The following LRBA variants were observed in gnomAD, a reference collection of about 807,000 sequenced individuals.
LRBA encodes the protein LPS responsive beige-like anchor protein.
Under a neutral mutation model 330.0 loss-of-function variants are expected in LRBA, and 176 were observed. That is an observed-to-expected ratio of 0.53 (90% CI 0.47 to 0.60). The LOEUF (loss-of-function observed/expected upper bound fraction) is 0.60, where lower values mean the gene tolerates loss of function less well. Ranked by LOEUF, LRBA falls within the 20% of genes least tolerant of loss-of-function variation. The probability of loss-of-function intolerance (pLI) is 0.00; values close to 1 mark genes in which losing one functional copy is unlikely to be tolerated. For synonymous variants in LRBA, 1,230 were observed against 1,193.0 expected, an observed-to-expected ratio of 1.03 and a Z score of -0.64; for missense variants, 3,259 against 3,444.8, an observed-to-expected ratio of 0.95 and a Z score of 1.35.
chr4:150,410,103 T>G (rs1388451151), intron 47 of LRBA, among the ~76,000 whole-genome samples: 1 of 152,166 alleles, frequency 6.6e-6, no homozygotes, highest in Non-Finnish European at 1.5e-5. Context: ...AATTTTTTTT[T>G]TTAAATGTTG....
chr4:150,501,439 C>T lies in LRBA; in HGVS notation c.6331-10404G>A, dbSNP rs888046360. Among the ~76,000 whole-genome samples, 17 of 152,130 alleles carry T rather than the reference C, an allele frequency of 1.1e-4. No individual in the cohort carries two copies. The Middle Eastern group carries it at 0.01, about 91-fold the overall frequency. ...TCAGCTGGGCAACACAGCAAAACCCCGTCTCTGCTAAAAAATGCAAAAATT... is the reference window on the plus strand; with the variant it reads ...TCAGCTGGGCAACACAGCAAAACCCTGTCTCTGCTAAAAAATGCAAAAATT... On this transcript the variant is annotated intron_variant, in intron 40 of 56. Transcript: ENST00000651943.
At chr4:150,435,308 G>T (rs993355145) in intron 46 of LRBA, among the ~76,000 whole-genome samples, 7 of 152,054 alleles carry the variant, frequency 4.6e-5, no homozygotes, top group Non-Finnish European at 8.8e-5. Context: ...CCAAGATCAC[G>T]CCATTGCACT....
chr4:150,398,131 T>C (rs971280520), intron 47 of LRBA, among the ~76,000 whole-genome samples: 7 of 152,142 alleles, frequency 4.6e-5, no homozygotes, highest in Admixed American at 1.3e-4. Flanking sequence ...ACAGACATTC[T>C]GTTGGTGGAA....
chr4:150,511,138 G>C (rs919713152), intron 40 of LRBA, among the ~76,000 whole-genome samples: 1 of 152,094 alleles, frequency 6.6e-6, no homozygotes, highest in Non-Finnish European at 1.5e-5. Flanking sequence ...GATTACAGGC[G>C]TGAGCCTCCA....
intron 2 of LRBA, among the ~76,000 whole-genome samples, chr4:150,981,777 G>A (rs1740866863): frequency 2.0e-5 from 3 of 151,862 alleles, no homozygotes; most frequent in South Asian, 2.1e-4. Context: ...TGGCTAACAC[G>A]GCGAAACCCT....
At chr4:150,383,623 G>A (rs1742615520) in intron 47 of LRBA, among the ~76,000 whole-genome samples, 2 of 152,172 alleles carry the variant, frequency 1.3e-5, no homozygotes, top group South Asian at 4.1e-4. Flanking sequence ...AGTATTGGAA[G>A]TCTGCCACGC....
At chr4:150,373,133 G>C (rs1740666236) in intron 47 of LRBA, among the ~76,000 whole-genome samples, 1 of 69,686 alleles carries the variant, frequency 1.4e-5, no homozygotes, top group African/African-American at 4.4e-5. Flanking sequence ...TCGTGTGTGT[G>C]TGTGTGTGTG....
At chr4:150,883,595 G>A (rs766316375) in intron 17 of LRBA, among the ~76,000 whole-genome samples, 2 of 151,840 alleles carry the variant, frequency 1.3e-5, no homozygotes, top group Non-Finnish European at 1.5e-5. Flanking sequence ...TTAAATCATC[G>A]AAAACAAAAA....
At chr4:150,871,499 G>T in intron 18 of LRBA, 46 bp from the exon 19 acceptor site, 1 of 1,162,522 alleles carries the variant, frequency 8.6e-7, no homozygotes, top group Non-Finnish European at 1.3e-6. Flanking sequence ...GCTTTTCTGT[G>T]CTCTACTTAA....
intron 47 of LRBA, among the ~76,000 whole-genome samples, chr4:150,354,779 G>T (rs1413781358): frequency 1.3e-5 from 2 of 151,884 alleles, no homozygotes; most frequent in Non-Finnish European, 2.9e-5. Flanking sequence ...ATGCTAAAAA[G>T]TACAGTATAC....
chr4:150,738,166 T>C (rs1245152082), intron 35 of LRBA, among the ~76,000 whole-genome samples: 1 of 151,940 alleles, frequency 6.6e-6, no homozygotes, highest in South Asian at 2.1e-4. Flanking sequence ...AATTTTTGTA[T>C]TTTTAGTAGA....
chr4:150,335,357 A>G (rs1244113652), intron 48 of LRBA, among the ~76,000 whole-genome samples: 1 of 151,550 alleles, frequency 6.6e-6, no homozygotes, highest in African/African-American at 2.4e-5. Context: ...CAAAGTATAT[A>G]GAGTATGACC....
intron 37 of LRBA, among the ~76,000 whole-genome samples, chr4:150,641,572 C>T (rs1778681312): frequency 6.6e-6 from 1 of 152,078 alleles, no homozygotes. Context: ...AATAAGGTTT[C>T]ATTTGCCTAT....
intron 40 of LRBA, among the ~76,000 whole-genome samples, chr4:150,509,557 G>T (rs889121771): frequency 3.1e-5 from 3 of 95,346 alleles, no homozygotes; most frequent in Non-Finnish European, 4.7e-5. Context: ...AAAATCAAAA[G>T]AATAGAAAAC....
chr4:150,856,948 G>A (rs561168835), intron 22 of LRBA, among the ~76,000 whole-genome samples: 10 of 152,144 alleles, frequency 6.6e-5, no homozygotes, highest in Non-Finnish European at 1.3e-4. Flanking sequence ...CTAATTAGTA[G>A]ATAAAAGATA....
chr4:150,936,799 G>T (rs1285717448), intron 2 of LRBA, among the ~76,000 whole-genome samples: 1 of 152,086 alleles, frequency 6.6e-6, no homozygotes, highest in African/African-American at 2.4e-5. Flanking sequence ...TTTCATATAA[G>T]GGAAACCAAC....
Position 150,461,268 on chromosome 4 carries a change from C to T in LRBA, c.6780+6405G>A, listed in dbSNP as rs74519271. On this transcript the variant is annotated intron_variant, in intron 44 of 56. Transcript: ENST00000651943. Reference sequence around the variant, plus strand: ...CAACTGGTGCCAAAAGTGGAAGGCACTATTGGCATATTACAGAGTTTCTCA... The same window carrying T: ...CAACTGGTGCCAAAAGTGGAAGGCATTATTGGCATATTACAGAGTTTCTCA... Among the ~76,000 whole-genome samples, 440 of 151,898 alleles carry T rather than the reference C, an allele frequency of 2.9e-3. 8 individuals carry two copies. The East Asian group carries it at 0.079, about 27-fold the overall frequency.
chr4:150,802,412 T>C (rs1335898214), intron 33 of LRBA, among the ~76,000 whole-genome samples: 2 of 151,126 alleles, frequency 1.3e-5, no homozygotes, highest in African/African-American at 2.4e-5. Flanking sequence ...AATAGTGAAA[T>C]AGCAAAATGT....
chr4:150,928,430 A>G (rs1322376738), intron 4 of LRBA, 86 bp downstream of exon 4: 1 of 772,286 alleles, frequency 1.3e-6, no homozygotes, highest in African/African-American at 1.8e-5. Flanking sequence ...TATCCCATGT[A>G]TAATAATATC....
Sources: gnomAD v4.1 joint callset for allele counts (sites outside exome capture counted in the v4.1 genomes callset) on GRCh38, gnomAD v4.1.1 for gene constraint, MANE v1.5 for transcripts, NCBI Gene and HGNC (gene_info 2026-07-23, HGNC 2026-07-21) for gene names.